Variants in SAMTOR observed in about 807,000 individuals in gnomAD.
SAMTOR encodes the protein UPF0532 protein C7orf60.
the SAMTOR span, among the ~76,000 whole-genome samples, chr7:112,897,067 A>G: frequency 2.0e-5 from 3 of 152,314 alleles, no homozygotes; most frequent in South Asian, 6.2e-4. Context: ...AAGGTATGCA[A>G]GCTTCAAATC....
the SAMTOR span, among the ~76,000 whole-genome samples, chr7:112,925,794 C>CAA: frequency 2.8e-5 from 3 of 107,900 alleles, no homozygotes; most frequent in Non-Finnish European, 4.0e-5. Context: ...AGCTCTGTCT[C>CAA]AAAAAAAAAA....
chr7:112,870,095 A>C, the SAMTOR span, among the ~76,000 whole-genome samples: 6 of 152,190 alleles, frequency 3.9e-5, no homozygotes, highest in African/African-American at 1.4e-4. Flanking sequence ...TTCCTGAGAG[A>C]GAAGAGAAAA....
chr7:112,932,235 A>C, the SAMTOR span, among the ~76,000 whole-genome samples: 1 of 152,070 alleles, frequency 6.6e-6, no homozygotes, highest in Non-Finnish European at 1.5e-5. Flanking sequence ...CACTATTACC[A>C]TTTTTATTAC....
the SAMTOR span, among the ~76,000 whole-genome samples, chr7:112,922,377 C>T: frequency 3.9e-5 from 6 of 152,324 alleles, no homozygotes; most frequent in South Asian, 2.1e-4. Flanking sequence ...CCAGCCGCCA[C>T]CCTGTCTGGG....
At chr7:112,833,397 G>A in the SAMTOR span, among the ~76,000 whole-genome samples, 13 of 152,028 alleles carry the variant, frequency 8.6e-5, no homozygotes, top group African/African-American at 3.1e-4. Context: ...GGATAATAGT[G>A]GTATTTACCC....
chr7:112,881,009 G>A, the SAMTOR span, among the ~76,000 whole-genome samples: 1 of 152,094 alleles, frequency 6.6e-6, no homozygotes, highest in Non-Finnish European at 1.5e-5. Flanking sequence ...GGGCGCAGCT[G>A]TTCAGCTGCG....
chr7:112,832,345 A>G, the SAMTOR span, among the ~76,000 whole-genome samples: 1 of 152,258 alleles, frequency 6.6e-6, no homozygotes, highest in East Asian at 1.9e-4. Context: ...ATTTTGCTCT[A>G]ACATAGTTTT....
the SAMTOR span, among the ~76,000 whole-genome samples, chr7:112,851,754 T>TC: frequency 1.3e-5 from 2 of 152,114 alleles, no homozygotes; most frequent in Admixed American, 1.3e-4. Flanking sequence ...AAACTGTGCA[T>TC]CCTACATAGG....
chr7:112,901,645 A>G, the SAMTOR span, among the ~76,000 whole-genome samples: 2 of 152,232 alleles, frequency 1.3e-5, no homozygotes, highest in Non-Finnish European at 2.9e-5. Flanking sequence ...TAGTGCCAAA[A>G]AAGTTGAGGA....
At chr7:112,821,684 C>A in the SAMTOR span, 3 of 1,461,924 alleles carry the variant, frequency 2.1e-6, no homozygotes, top group Non-Finnish European at 1.8e-6. Context: ...GTTAGTATTT[C>A]CAATTGGTGT....
chr7:112,915,854 T>C, the SAMTOR span, among the ~76,000 whole-genome samples: 1 of 152,222 alleles, frequency 6.6e-6, no homozygotes, highest in Admixed American at 6.5e-5. Context: ...CTGTTACTGT[T>C]GGGCAATATA....
At chr7:112,911,620 G>C in the SAMTOR span, among the ~76,000 whole-genome samples, 1 of 151,912 alleles carries the variant, frequency 6.6e-6, no homozygotes, top group African/African-American at 2.4e-5. Flanking sequence ...GTTAGAATAA[G>C]CAGACAAAAA....
At chr7:112,890,859 T>C in the SAMTOR span, among the ~76,000 whole-genome samples, 1 of 152,156 alleles carries the variant, frequency 6.6e-6, no homozygotes, top group East Asian at 1.9e-4. Flanking sequence ...CCTGGCTTTT[T>C]TGTTATTTTT....
chr7:112,907,984 G>A, the SAMTOR span, among the ~76,000 whole-genome samples: 175 of 151,990 alleles, frequency 1.2e-3, no homozygotes, highest in Non-Finnish European at 6.8e-4. Flanking sequence ...CCACACCTAG[G>A]AATCTACAAA....
chr7:112,907,838 C>CTTATTTATTTAT, the SAMTOR span, among the ~76,000 whole-genome samples: 36 of 119,014 alleles, frequency 3.0e-4, no homozygotes, highest in Middle Eastern at 4.6e-3. Flanking sequence ...GGTATTCTTA[C>CTTATTTATTTAT]TTACTTATTT....
the SAMTOR span, among the ~76,000 whole-genome samples, chr7:112,823,074 C>T: frequency 2.4e-4 from 36 of 152,152 alleles, no homozygotes; most frequent in East Asian, 7.0e-3. Flanking sequence ...ACAAAAATAA[C>T]TCTATCATAT....
chr7:112,846,669 G>A, the SAMTOR span, among the ~76,000 whole-genome samples: 20 of 152,102 alleles, frequency 1.3e-4, no homozygotes, highest in African/African-American at 1.4e-4. Flanking sequence ...GGGAACCTAC[G>A]GTGATGAGCT....
At chr7:112,847,460 A>T in the SAMTOR span, among the ~76,000 whole-genome samples, 1 of 152,220 alleles carries the variant, frequency 6.6e-6, no homozygotes, top group Admixed American at 6.5e-5. Context: ...TCAGATCATA[A>T]TTTGTAATTT....
the SAMTOR span, chr7:112,822,305 T>G: frequency 6.2e-7 from 1 of 1,613,486 alleles, no homozygotes; most frequent in South Asian, 1.1e-5. Context: ...AAAAAGCATC[T>G]ATAGCATCCT....
Sources: gnomAD v4.1 joint callset for allele counts (sites outside exome capture counted in the v4.1 genomes callset) on GRCh38, gnomAD v4.1.1 for gene constraint, MANE v1.5 for transcripts, NCBI Gene and HGNC (gene_info 2026-07-23, HGNC 2026-07-21) for gene names.